Variants in TRPC5 observed in about 807,000 individuals in gnomAD.
TRPC5 encodes short transient receptor potential channel 5.
Under a neutral mutation model 56.5 loss-of-function variants are expected in TRPC5, and 9 were observed. That is an observed-to-expected ratio of 0.16 (90% CI 0.10 to 0.28). The LOEUF (loss-of-function observed/expected upper bound fraction) is 0.28. Among genes scored for constraint, TRPC5 ranks in the 10% least tolerant of loss-of-function variants. The pLI is 1.00. For synonymous variants in TRPC5, 282 were observed against 278.5 expected (o/e 1.01, Z -0.13); for missense variants, 469 against 748.9 (o/e 0.63, Z 4.36).
In TRPC5 at chrX:112,025,729, G is replaced by A. The variant is rs558318080; in HGVS notation, c.-22+56150C>T. On this transcript the variant is annotated intron_variant, in intron 1 of 10. Coordinates refer to ENST00000262839, the MANE Select transcript of TRPC5 (RefSeq NM_012471.3). Reference sequence around the variant, plus strand: ...GTGAATAAGATCCCTCTTCATGTGTGTTTTCTTTAAACTAGCCAATCCACA... The same window carrying A: ...GTGAATAAGATCCCTCTTCATGTGTATTTTCTTTAAACTAGCCAATCCACA... Among the ~76,000 whole-genome samples the A allele has an allele frequency of 3.6e-5, 4 of 111,600 alleles. No individual in the cohort carries two copies. In the South Asian group the frequency reaches 1.5e-3, roughly 43 times the overall value.
intron 7 of TRPC5, among the ~76,000 whole-genome samples, chrX:111,811,057 A>G (rs1921689623): frequency 8.9e-6 from 1 of 112,313 alleles, no homozygotes; most frequent in Admixed American, 9.5e-5. Flanking sequence ...GAGACAAAGG[A>G]ATGATGTAAA....
At chrX:112,001,606 T>A (rs186316491) in intron 1 of TRPC5, among the ~76,000 whole-genome samples, 4,446 of 110,866 alleles carry the variant, frequency 0.04, 94 homozygotes, top group African/African-American at 0.072. Flanking sequence ...CTAACAATAC[T>A]AAAAATTAGC....
chrX:111,905,798 C>T (rs1925583357), intron 3 of TRPC5, among the ~76,000 whole-genome samples: 1 of 108,364 alleles, frequency 9.2e-6, no homozygotes, highest in African/African-American at 3.4e-5. Flanking sequence ...GCCTGTAGTC[C>T]CAGCTACTCA....
intron 3 of TRPC5, among the ~76,000 whole-genome samples, chrX:111,895,506 T>C (rs1925021904): frequency 9.0e-6 from 1 of 111,673 alleles, no homozygotes; most frequent in African/African-American, 3.3e-5. Flanking sequence ...TCTTAAGGTA[T>C]AATTAATTAA....
chrX:111,860,045 G>A (rs186822240), intron 3 of TRPC5, among the ~76,000 whole-genome samples: 10,974 of 111,788 alleles, frequency 0.098, 1,254 homozygotes, highest in African/African-American at 0.32. Flanking sequence ...AGTAGCTGGG[G>A]CTACAGGCGC....
At chrX:112,064,094 C>T (rs1320890732) in intron 1 of TRPC5, among the ~76,000 whole-genome samples, 4 of 112,060 alleles carry the variant, frequency 3.6e-5, no homozygotes, top group African/African-American at 1.3e-4. Flanking sequence ...GGAAAGTAAA[C>T]GAAGGCCAAG....
At chrX:111,784,868 A>AG (rs35318486) in intron 7 of TRPC5, among the ~76,000 whole-genome samples, 1 of 111,996 alleles carries the variant, frequency 8.9e-6, no homozygotes, top group Non-Finnish European at 1.9e-5. Flanking sequence ...TGGCTGGGGG[A>AG]GGGGGGTCCA....
Position 111,847,178 on chromosome X carries a change from C to G in TRPC5, c.1636G>C (p.Ala546Pro). ...NQLYFYYETR[A>P]IDEPNNCKGI... ...TTGCAGTTGTTAGGCTCATCGATAGCTCTGGTTTCATAATAGAAGTAAAGC... is the reference window on the plus strand; with the variant it reads ...TTGCAGTTGTTAGGCTCATCGATAGGTCTGGTTTCATAATAGAAGTAAAGC... The change falls in exon 6 of 11, where the codon GCT (alanine) becomes CCT (proline). Residue 546 changes from alanine (A) to proline (P), a missense_variant. Physicochemically the swap from Ala to Pro is conservative, Grantham distance 27 (BLOSUM62 -1). Transcript: ENST00000262839. 8.3e-7 allele frequency: 1 copy of G among 1,211,752 alleles called. No individual in the cohort carries two copies. Among genetic ancestry groups the G allele is most frequent in the South Asian group, 1.8e-5 (1 of 56,984 alleles).
At chrX:111,819,580 A>G (rs1196451843) in intron 7 of TRPC5, among the ~76,000 whole-genome samples, 3 of 111,709 alleles carry the variant, frequency 2.7e-5, no homozygotes, top group Non-Finnish European at 5.6e-5. Context: ...CAGAACTTCT[A>G]TTTGTGAGCC....
intron 1 of TRPC5, among the ~76,000 whole-genome samples, chrX:112,055,903 C>T (rs1451752823): frequency 2.7e-5 from 3 of 109,561 alleles, no homozygotes; most frequent in Non-Finnish European, 5.7e-5. Context: ...GAAATTGTAC[C>T]ACACATTGAA....
At chrX:111,989,511 C>T (rs1928297386) in intron 1 of TRPC5, among the ~76,000 whole-genome samples, 1 of 111,767 alleles carries the variant, frequency 8.9e-6, no homozygotes, top group Admixed American at 9.6e-5. Context: ...GTTTCAACTT[C>T]ATATTGGACC....
chrX:111,879,307 G>A (rs1223873556), intron 3 of TRPC5, among the ~76,000 whole-genome samples: 2 of 112,131 alleles, frequency 1.8e-5, no homozygotes, highest in Admixed American at 9.5e-5. Flanking sequence ...TCTTCAGGTT[G>A]AACTTGAAAT....
At chrX:111,939,744 T>C (rs1049726985) in intron 2 of TRPC5, among the ~76,000 whole-genome samples, 1 of 112,044 alleles carries the variant, frequency 8.9e-6, no homozygotes, top group African/African-American at 3.2e-5. Context: ...AGTTGTAGTT[T>C]CTCATTTTTA....
chrX:111,839,716 A>G (rs1170502117), intron 6 of TRPC5, among the ~76,000 whole-genome samples: 1 of 110,397 alleles, frequency 9.1e-6, no homozygotes, highest in African/African-American at 3.3e-5. Context: ...TTTTATATTT[A>G]TTTATTTATT....
In TRPC5 at chrX:111,775,382, T is replaced by G. The variant is rs186002540; in HGVS notation, c.*931A>C. 4.4e-4 allele frequency: 49 copies of G among 112,320 alleles called. No individual in the cohort carries two copies. The highest frequency in any genetic ancestry group is 1.6e-3 in the African/African-American group (49 of 30,945). 9.3% of individuals were successfully genotyped at this position (112,320 alleles called of 1,213,427 possible). On this transcript the variant is annotated 3_prime_UTR_variant, in exon 11 of 11. Transcript: ENST00000262839. ...AAATTCAGGCTTTTATCTTAGAAAT[T>G]ATTTGATAGCAATGATAATTAAAAC...
At chrX:111,957,035 T>C (rs558934892) in intron 1 of TRPC5, among the ~76,000 whole-genome samples, 2 of 112,422 alleles carry the variant, frequency 1.8e-5, no homozygotes, top group African/African-American at 6.5e-5. Flanking sequence ...TCAGCAGTAA[T>C]GTAGTCCTCT....
intron 1 of TRPC5, among the ~76,000 whole-genome samples, chrX:112,061,291 G>A (rs899380453): frequency 8.9e-6 from 1 of 112,069 alleles, no homozygotes; most frequent in Non-Finnish European, 1.9e-5. Context: ...CTGAACATCA[G>A]CATTCAGCCC....
At chrX:112,067,611 A>G (rs1930615619) in intron 1 of TRPC5, among the ~76,000 whole-genome samples, 2 of 111,612 alleles carry the variant, frequency 1.8e-5, no homozygotes, top group South Asian at 7.7e-4. Context: ...GAGGGAAGGC[A>G]TTCAGTCTCA....
chrX:111,912,870 A>C, intron 2 of TRPC5, 58 bp from the exon 3 acceptor site: 1 of 1,103,062 alleles, frequency 9.1e-7, no homozygotes, highest in Non-Finnish European at 1.2e-6. Context: ...AGAGAGAAGC[A>C]TAGGGCCTAT....
Sources: allele counts gnomAD v4.1 joint callset (sites outside exome capture counted in the v4.1 genomes callset), GRCh38; gene constraint gnomAD v4.1.1; transcripts MANE v1.5; gene names NCBI Gene and HGNC (gene_info 2026-07-23, HGNC 2026-07-21).